Variants in MAST4 observed in about 807,000 individuals in gnomAD.
The protein encoded by MAST4 is microtubule-associated serine/threonine-protein kinase 4.
In MAST4, 89 loss-of-function variants were observed where a neutral mutation model predicts 162.7. The observed-to-expected ratio is 0.55, with a 90% CI of 0.46 to 0.65. MAST4 has a LOEUF of 0.65. Ranked by LOEUF, MAST4 falls within the 30% of genes least tolerant of loss-of-function variation. MAST4 has a pLI of 0.00. For synonymous variants in MAST4, 1,479 were observed against 1,361.1 expected, an observed-to-expected ratio of 1.09 and a Z score of -1.91; for missense variants, 3,153 against 3,374.0, an observed-to-expected ratio of 0.93 and a Z score of 1.62.
intron 1 of MAST4, among the ~76,000 whole-genome samples, chr5:66,702,349 C>T (rs1749835740): frequency 6.6e-6 from 1 of 152,152 alleles, no homozygotes; most frequent in African/African-American, 2.4e-5. Flanking sequence ...GATAGTCTTT[C>T]CTCTCATGGA....
intron 1 of MAST4, among the ~76,000 whole-genome samples, chr5:66,618,567 C>T (rs1350721461): frequency 3.3e-5 from 5 of 152,156 alleles, no homozygotes; most frequent in Non-Finnish European, 5.9e-5. Context: ...GTTGGATGAA[C>T]ATTAATGTCT....
At chr5:66,765,863 A>T (rs1403752434) in intron 2 of MAST4, among the ~76,000 whole-genome samples, 2 of 151,882 alleles carry the variant, frequency 1.3e-5, no homozygotes, top group East Asian at 3.9e-4. Flanking sequence ...CCCTTTTTGC[A>T]GGGCTGGCAT....
At chr5:67,156,486 A>G (rs529569017) in intron 26 of MAST4, among the ~76,000 whole-genome samples, 18 of 152,220 alleles carry the variant, frequency 1.2e-4, no homozygotes, top group Admixed American at 3.9e-4. Context: ...AACACGGCAG[A>G]AGTTCCAAAA....
intron 4 of MAST4, among the ~76,000 whole-genome samples, chr5:66,927,463 T>TGATCCCTATC (rs1309793770): frequency 6.6e-6 from 1 of 152,222 alleles, no homozygotes; most frequent in Non-Finnish European, 1.5e-5. Context: ...TTCTTGCTCA[T>TGATCCCTATC]AGTAGTATAT....
At chr5:67,131,734 T>C in intron 15 of MAST4, 79 bp from the exon 16 acceptor site, 1 of 1,458,700 alleles carries the variant, frequency 6.9e-7, no homozygotes, top group African/African-American at 1.4e-5. Flanking sequence ...TGATTTCACC[T>C]TGAAATTCTG....
chr5:66,620,121 G>T (rs1365644299), intron 1 of MAST4, among the ~76,000 whole-genome samples: 1 of 148,000 alleles, frequency 6.8e-6, no homozygotes, highest in Admixed American at 6.8e-5. Flanking sequence ...GGTTATTATA[G>T]TTCGCTGTTA....
chr5:67,046,929 AC>A (rs1249113615), intron 4 of MAST4, among the ~76,000 whole-genome samples: 2 of 152,192 alleles, frequency 1.3e-5, no homozygotes, highest in African/African-American at 4.8e-5. Context: ...GTCAATAATT[AC>A]ATCCCCCTGA....
chr5:67,119,530 G>C (rs1458617160), intron 13 of MAST4, among the ~76,000 whole-genome samples: 3 of 152,094 alleles, frequency 2.0e-5, no homozygotes, highest in African/African-American at 7.2e-5. Flanking sequence ...TACCAGCTGG[G>C]GGGTGGGGGA....
At chr5:66,973,342 T>A (rs1747696051) in intron 4 of MAST4, among the ~76,000 whole-genome samples, 1 of 152,170 alleles carries the variant, frequency 6.6e-6, no homozygotes, top group Non-Finnish European at 1.5e-5. Context: ...TCCATTGAGT[T>A]GTTGTATCTC....
chr5:67,157,510 C>T (rs1254594616), intron 26 of MAST4, among the ~76,000 whole-genome samples: 1 of 152,154 alleles, frequency 6.6e-6, no homozygotes, highest in Non-Finnish European at 1.5e-5. Context: ...ATGTTTATGG[C>T]TCCTTCATTT....
intron 5 of MAST4, among the ~76,000 whole-genome samples, chr5:67,086,157 C>A (rs547022822): frequency 6.6e-6 from 1 of 152,292 alleles, no homozygotes; most frequent in South Asian, 2.1e-4. Context: ...ACTCTTTGAT[C>A]CACCAGGAGT....
At chr5:66,777,779 GGT>G (rs1754672230) in intron 2 of MAST4, among the ~76,000 whole-genome samples, 1 of 152,138 alleles carries the variant, frequency 6.6e-6, no homozygotes, top group African/African-American at 2.4e-5. Context: ...GTTTTAGAAA[GGT>G]GTAGATAAGG....
chr5:67,029,634 ATTGTTGGGT>A (rs1755077871), intron 4 of MAST4, among the ~76,000 whole-genome samples: 2 of 152,068 alleles, frequency 1.3e-5, no homozygotes, highest in African/African-American at 2.4e-5. Flanking sequence ...GTGTGTTTTG[ATTGTTGGGT>A]TTTGTTTGTT....
chr5:66,617,834 A>C (rs1231525375), intron 1 of MAST4, among the ~76,000 whole-genome samples: 1 of 152,218 alleles, frequency 6.6e-6, no homozygotes, highest in African/African-American at 2.4e-5. Flanking sequence ...ATCAACGCGT[A>C]CTAATAAAGG....
chr5:66,870,909 C>T (rs1376640855), intron 3 of MAST4: 11 of 468,062 alleles, frequency 2.4e-5, no homozygotes, highest in East Asian at 1.4e-4. Flanking sequence ...GGTCCCGCTG[C>T]GGTAAACAGG....
intron 4 of MAST4, among the ~76,000 whole-genome samples, chr5:66,981,758 G>A (rs1246810809): frequency 6.6e-6 from 1 of 152,080 alleles, no homozygotes; most frequent in Non-Finnish European, 1.5e-5. Context: ...TTCAAGAGAG[G>A]CTCTGACCCA....
chr5:66,639,255 G>A (rs1745321085), intron 1 of MAST4, among the ~76,000 whole-genome samples: 1 of 142,142 alleles, frequency 7.0e-6, no homozygotes, highest in Non-Finnish European at 1.5e-5. Context: ...TGGTCAGTGT[G>A]TTGATTAGTA....
chr5:67,007,791 T>TAGTTTGTACTCTCAGAGAAA (rs1752215790), intron 4 of MAST4, among the ~76,000 whole-genome samples: 1 of 152,190 alleles, frequency 6.6e-6, no homozygotes, highest in Middle Eastern at 3.2e-3. Context: ...GCTGGTTTGT[T>TAGTTTGTACTCTCAGAGAAA]AGTTTGTACT....
chr5:66,712,798 A>G (rs1315799146), intron 1 of MAST4, among the ~76,000 whole-genome samples: 1 of 152,236 alleles, frequency 6.6e-6, no homozygotes, highest in African/African-American at 2.4e-5. Flanking sequence ...CACTCCACAA[A>G]GACCTATCTA....
Sources: allele counts gnomAD v4.1 joint callset (sites outside exome capture counted in the v4.1 genomes callset), GRCh38; gene constraint gnomAD v4.1.1; transcripts MANE v1.5; gene names NCBI Gene and HGNC (gene_info 2026-07-23, HGNC 2026-07-21).